Variants in ATRX observed in about 807,000 individuals in gnomAD.
ATRX encodes the protein ATRX chromatin remodeler, also known as chromatin remodeler ATRX.
A neutral mutation model predicts 172.6 loss-of-function variants in ATRX; 12 were observed. The ratio of observed to expected loss-of-function variants is 0.07; its 90% CI spans 0.04 to 0.11. ATRX has a LOEUF of 0.11. ATRX is among the 10% of genes least tolerant of loss of function. The pLI is 1.00. For missense variants in ATRX, 1,368 were observed against 1,767.4 expected (o/e 0.77, Z 4.05); for synonymous variants, 674 against 594.7 (o/e 1.13, Z -1.94).
At chrX:77,634,232 TAAAAAAAAAAAAAA>T (rs144290953) in intron 17 of ATRX, among the ~76,000 whole-genome samples, 2 of 54,071 alleles carry the variant, frequency 3.7e-5, no homozygotes, top group Non-Finnish European at 6.3e-5. Context: ...TTAAAAGTTG[TAAAAAAAAAAAAAA>T]AAAAAAAAAA....
intron 30 of ATRX, among the ~76,000 whole-genome samples, chrX:77,541,417 G>A (rs1438844727): frequency 8.9e-6 from 1 of 111,929 alleles, no homozygotes; most frequent in African/African-American, 3.2e-5. Context: ...CATTCCTTCT[G>A]AAACTATTCC....
At chrX:77,516,956 T>A (rs920777694) in intron 34 of ATRX, among the ~76,000 whole-genome samples, 1 of 110,742 alleles carries the variant, frequency 9.0e-6, no homozygotes, top group Admixed American at 9.6e-5. Context: ...CACATGAAAA[T>A]TGAACAATAT....
chrX:77,677,922 T>C (rs956478373), intron 9 of ATRX, among the ~76,000 whole-genome samples: 4 of 110,942 alleles, frequency 3.6e-5, no homozygotes, highest in Non-Finnish European at 7.6e-5. Flanking sequence ...ATACACTAAA[T>C]AAGGCCAGGC....
chrX:77,594,688 T>C (rs1156766849), intron 25 of ATRX: 1 of 112,119 alleles, frequency 8.9e-6, no homozygotes, highest in East Asian at 2.8e-4. Context: ...TGAAGCCTAA[T>C]ATATGATCCT....
intron 22 of ATRX, among the ~76,000 whole-genome samples, chrX:77,607,487 G>A (rs2066957254): frequency 9.0e-6 from 1 of 110,964 alleles, no homozygotes; most frequent in South Asian, 3.8e-4. Context: ...ATCAATGCGG[G>A]TGGATCACTT....
intron 33 of ATRX, 85 bp from the exon 34 acceptor site, chrX:77,521,001 C>G (rs901186172): frequency 1.3e-5 from 13 of 1,005,017 alleles, no homozygotes; most frequent in Non-Finnish European, 1.8e-5. Context: ...TCGGGATTTC[C>G]CAAGGTTTCA....
intron 27 of ATRX, among the ~76,000 whole-genome samples, chrX:77,584,961 GA>G (rs1406093415): frequency 9.9e-5 from 11 of 110,937 alleles, no homozygotes; most frequent in Non-Finnish European, 1.9e-4. Context: ...AACTCTACAG[GA>G]AAAAAAATTT....
intron 13 of ATRX, among the ~76,000 whole-genome samples, chrX:77,655,776 T>C (rs551553000): frequency 4.5e-4 from 50 of 110,426 alleles, no homozygotes; most frequent in South Asian, 1.9e-3. Flanking sequence ...TATTGCTATA[T>C]TCTAAGCACA....
intron 22 of ATRX, among the ~76,000 whole-genome samples, chrX:77,608,996 A>G (rs1391528848): frequency 8.9e-6 from 1 of 112,405 alleles, no homozygotes; most frequent in African/African-American, 3.2e-5. Context: ...AAAGGTACTC[A>G]ACATCATTGG....
chrX:77,598,056 G>A (rs782015417), intron 25 of ATRX, among the ~76,000 whole-genome samples: 2 of 111,935 alleles, frequency 1.8e-5, no homozygotes, highest in Admixed American at 9.5e-5. Flanking sequence ...ACAGTGGATT[G>A]GATAGAGAAA....
At chrX:77,732,263 G>GCACT (rs1298682634) in intron 1 of ATRX, among the ~76,000 whole-genome samples, 4 of 111,344 alleles carry the variant, frequency 3.6e-5, no homozygotes, top group Non-Finnish European at 7.5e-5. Context: ...GCCAGGTCCC[G>GCACT]CACTCACTCA....
chrX:77,599,855 A>C (rs782624451), intron 23 of ATRX, 35 bp from the exon 24 acceptor site: 2 of 1,040,350 alleles, frequency 1.9e-6, no homozygotes, highest in Non-Finnish European at 2.7e-6. Flanking sequence ...TTTTAATAGA[A>C]TATCTCAACT....
At chrX:77,595,463 G>A (rs2066437577) in intron 25 of ATRX, 1 of 111,720 alleles carries the variant, frequency 9.0e-6, no homozygotes, top group Non-Finnish European at 1.9e-5. Context: ...TGAGGTGAAG[G>A]CCATGACCGT....
In ATRX at chrX:77,681,881, A is replaced by C; in HGVS notation, c.3375T>G (p.Ser1125=). The C allele has an allele frequency of 8.3e-7, 1 of 1,209,430 alleles. No individual in the cohort carries two copies. Among genetic ancestry groups the C allele is most frequent in the Non-Finnish European group, 1.1e-6 (1 of 894,133 alleles). The part of the protein sequence containing the change: ...YSMKEDGCNS[S]DKRLKRIELR... ...ATTCTATTCTTTTCAGTCTCTTATC[A>C]GAAGAGTTACAACCATCTTCTTTCA... The change falls in exon 9 of 35, where the codon TCT becomes TCG. Residue 1125 remains serine (S), a synonymous_variant. Coordinates refer to ENST00000373344, the MANE Select transcript of ATRX (RefSeq NM_000489.6).
At chrX:77,590,876 T>A (rs1367441971) in intron 26 of ATRX, among the ~76,000 whole-genome samples, 1 of 112,021 alleles carries the variant, frequency 8.9e-6, no homozygotes, top group African/African-American at 3.2e-5. Context: ...ACACAAAGTA[T>A]CATTGTTTTA....
chrX:77,740,088 A>C (rs992815326), intron 1 of ATRX, among the ~76,000 whole-genome samples: 1 of 108,232 alleles, frequency 9.2e-6, no homozygotes, highest in Non-Finnish European at 1.9e-5. Context: ...TTTTTAAAAA[A>C]AGAAACAAAC....
chrX:77,658,968 C>A (rs1222785010), intron 12 of ATRX, among the ~76,000 whole-genome samples: 1 of 111,514 alleles, frequency 9.0e-6, no homozygotes, highest in Non-Finnish European at 1.9e-5. Context: ...AAGATCTATT[C>A]CAGCTTTTTA....
At position 77,600,552 on chromosome X, in the gene ATRX, T is replaced by C. The variant is rs45439799; in HGVS notation, c.5579A>G (p.Asn1860Ser). The C allele has an allele frequency of 9.6e-3, 11,574 of 1,209,011 alleles. 46 individuals are homozygous for C. The highest frequency in any genetic ancestry group is 0.011 in the Non-Finnish European group (10,092 of 894,538). ...YLDHLTGVGN[N>S]SEGGRGKAGA... ...TGCCTTTCCTCTTCCACCTTCACTATTATTGCCCACACCTGATCAAAAGAA... is the reference window on the plus strand; with the variant it reads ...TGCCTTTCCTCTTCCACCTTCACTACTATTGCCCACACCTGATCAAAAGAA... The change falls in exon 23 of 35, where the codon AAT (asparagine) becomes AGT (serine). Residue 1860 changes from asparagine (N) to serine (S), a missense_variant. Asn to Ser is a conservative substitution (Grantham distance 46, BLOSUM62 1). This residue lies in a region of ATRX where 12 missense variants were observed against 16.0 expected (regional missense o/e 0.75). Coordinates refer to ENST00000373344, the MANE Select transcript of ATRX (RefSeq NM_000489.6).
At chrX:77,766,524 G>A (rs1445105098) in intron 1 of ATRX, among the ~76,000 whole-genome samples, 2 of 105,962 alleles carry the variant, frequency 1.9e-5, no homozygotes, top group African/African-American at 7.0e-5. Context: ...AGGCAGAGAC[G>A]CTCCTCACCT....
Sources: gnomAD v4.1 joint callset for allele counts (sites outside exome capture counted in the v4.1 genomes callset) on GRCh38, gnomAD v4.1.1 for gene constraint, gnomAD v4.1.1 regional missense constraint, MANE v1.5 for transcripts, NCBI Gene and HGNC (gene_info 2026-07-23, HGNC 2026-07-21) for gene names.